Variants in PCDH11X observed in about 807,000 individuals in gnomAD.
The protein encoded by PCDH11X is protocadherin-11 X-linked.
PCDH11X carries 18 observed loss-of-function variants against 53.3 expected under a neutral mutation model. The ratio of observed to expected loss-of-function variants is 0.34; its 90% CI spans 0.23 to 0.50. The LOEUF is 0.50. Among genes scored for constraint, PCDH11X ranks in the 20% least tolerant of loss-of-function variants. PCDH11X has a pLI of 0.98. For synonymous variants in PCDH11X, 279 were observed against 393.3 expected (o/e 0.71, Z 3.44); for missense variants, 570 against 1,032.4 (o/e 0.55, Z 6.14).
intron 6 of PCDH11X, among the ~76,000 whole-genome samples, chrX:92,025,198 A>C (rs1399674867): frequency 9.1e-6 from 1 of 110,219 alleles, no homozygotes; most frequent in Non-Finnish European, 1.9e-5. Context: ...CAACCCATTG[A>C]ATGGGAGAAA....
chrX:92,049,634 T>C (rs2063338642), intron 6 of PCDH11X, among the ~76,000 whole-genome samples: 1 of 111,956 alleles, frequency 8.9e-6, no homozygotes, highest in Non-Finnish European at 1.9e-5. Context: ...TAAACAGGTA[T>C]TTTAATTAAA....
intron 9 of PCDH11X, among the ~76,000 whole-genome samples, chrX:92,411,897 A>G: frequency 1.4e-5 from 1 of 73,647 alleles, no homozygotes; most frequent in Non-Finnish European, 2.5e-5. Context: ...GAAGAAGAAG[A>G]GGGAAGAGGA....
At chrX:92,185,045 T>A (rs1019855183) in intron 6 of PCDH11X, among the ~76,000 whole-genome samples, 3 of 110,974 alleles carry the variant, frequency 2.7e-5, no homozygotes, top group African/African-American at 9.8e-5. Context: ...TTTCGTCATA[T>A]CGGCAGCGTC....
chrX:91,871,941 A>G (rs1245245208), intron 5 of PCDH11X, among the ~76,000 whole-genome samples: 1 of 111,239 alleles, frequency 9.0e-6, no homozygotes, highest in East Asian at 2.8e-4. Context: ...ATTTTTCATG[A>G]CCTCAACCTG....
chrX:91,937,475 T>C (rs1007034829), intron 6 of PCDH11X, among the ~76,000 whole-genome samples: 1 of 111,545 alleles, frequency 9.0e-6, no homozygotes, highest in Admixed American at 9.6e-5. Context: ...CAACAAAATG[T>C]AGACGGTCTG....
intron 8 of PCDH11X, among the ~76,000 whole-genome samples, chrX:92,278,811 T>G (rs2068175156): frequency 1.0e-5 from 1 of 95,338 alleles, no homozygotes; most frequent in African/African-American, 4.1e-5. Context: ...TTTCAGTTTT[T>G]TTTTTTTTTT....
At chrX:92,255,950 G>C (rs1475718803) in intron 7 of PCDH11X, among the ~76,000 whole-genome samples, 1 of 112,419 alleles carries the variant, frequency 8.9e-6, no homozygotes, top group Non-Finnish European at 1.9e-5. Context: ...CTTGAGCTGT[G>C]GTGGGCTCCA....
At chrX:92,021,121 G>A (rs6618819) in intron 6 of PCDH11X, among the ~76,000 whole-genome samples, 9,244 of 110,106 alleles carry the variant, frequency 0.084, 408 homozygotes, top group East Asian at 0.29. Flanking sequence ...AAAGGCCAGT[G>A]TACCTCTTCT....
rs200182090 is a variant in PCDH11X, at chrX:92,101,239, ATAG to A, written c.3034-100132_3034-100130del. Reference sequence around the variant, plus strand: ...GAATAGGAGTATGACTAGACAGAAAATAGTAGGGATGACAAGTTTTTTTTGGGG... The same window carrying A: ...GAATAGGAGTATGACTAGACAGAAAATAGGGATGACAAGTTTTTTTTGGGG... On this transcript the variant is annotated intron_variant, in intron 6 of 10. Coordinates refer to ENST00000682573, the MANE Select transcript of PCDH11X (RefSeq NM_032968.5). Among the ~76,000 whole-genome samples the A allele has an allele frequency of 4.9e-3, 542 of 111,441 alleles. 2 individuals are homozygous for A. Among genetic ancestry groups the A allele is most frequent in the Admixed American group, 0.023 (243 of 10,482 alleles).
At chrX:92,442,740 A>C (rs908262404) in intron 9 of PCDH11X, among the ~76,000 whole-genome samples, 2 of 107,817 alleles carry the variant, frequency 1.9e-5, no homozygotes, top group Non-Finnish European at 3.8e-5. Context: ...AGCAAAGGAC[A>C]TAATTTCCTT....
chrX:91,972,916 G>A (rs1438093658), intron 6 of PCDH11X, among the ~76,000 whole-genome samples: 1 of 111,018 alleles, frequency 9.0e-6, no homozygotes, highest in Non-Finnish European at 1.9e-5. Flanking sequence ...AATACCATTT[G>A]ACCCAGCCAT....
intron 8 of PCDH11X, among the ~76,000 whole-genome samples, chrX:92,287,559 A>G (rs976143813): frequency 1.8e-5 from 2 of 111,918 alleles, no homozygotes; most frequent in African/African-American, 6.5e-5. Context: ...TCAATCAACC[A>G]GCAACCCTGA....
chrX:91,909,703 T>C (rs939740050), intron 6 of PCDH11X, among the ~76,000 whole-genome samples: 1 of 105,078 alleles, frequency 9.5e-6, no homozygotes, highest in South Asian at 4.5e-4. Flanking sequence ...ACCTCGGAAA[T>C]TGATATATCA....
chrX:92,034,514 C>T (rs2063099079), intron 6 of PCDH11X, among the ~76,000 whole-genome samples: 1 of 106,968 alleles, frequency 9.3e-6, no homozygotes. Context: ...TCTCTTTTTT[C>T]AGTTTTTGCC....
intron 6 of PCDH11X, among the ~76,000 whole-genome samples, chrX:92,024,599 T>TATAG (rs1338507631): frequency 9.3e-6 from 1 of 107,466 alleles, no homozygotes; most frequent in Non-Finnish European, 1.9e-5. Context: ...CAAAGTAATC[T>TATAG]ATAGATTCAA....
chrX:92,003,748 C>T (rs971164778), intron 6 of PCDH11X, among the ~76,000 whole-genome samples: 14 of 103,461 alleles, frequency 1.4e-4, no homozygotes, highest in Non-Finnish European at 2.4e-4. Context: ...CCTCCCTTTT[C>T]ATTTCTGATT....
chrX:92,024,733 A>C (rs112690395), intron 6 of PCDH11X, among the ~76,000 whole-genome samples: 13,246 of 106,693 alleles, frequency 0.12, 1,019 homozygotes, highest in East Asian at 0.3. Context: ...AAAAAAAAAA[A>C]AAAACAAAAC....
chrX:91,965,902 C>T lies in PCDH11X; in HGVS notation c.3033+86629C>T, dbSNP rs193296764. ...TACTCACTGCACAGAAAGCCAATGA[C>T]TGAGATGACAAGTATTACCAAGGAA... On this transcript the variant is annotated intron_variant, in intron 6 of 10. Coordinates refer to ENST00000682573, the MANE Select transcript of PCDH11X (RefSeq NM_032968.5). 1.9e-3 allele frequency among the ~76,000 whole-genome samples: 217 copies of T among 111,637 alleles called. 1 individual carries two copies. Among genetic ancestry groups the T allele is most frequent in the African/African-American group, 6.7e-3 (205 of 30,720 alleles).
In PCDH11X at chrX:91,867,300, G is replaced by A. The variant is rs533365320; in HGVS notation, c.541-9481G>A. Among the ~76,000 whole-genome samples, 9 of 111,236 alleles carry A rather than the reference G, an allele frequency of 8.1e-5. No individual in the cohort carries two copies. The South Asian group carries it at 3.0e-3, about 37-fold the overall frequency. ...CATAACTTAAATCACTCCTAGCTTCGTTGCTATGGGGCATAGTATCTTAAC... is the reference window on the plus strand; with the variant it reads ...CATAACTTAAATCACTCCTAGCTTCATTGCTATGGGGCATAGTATCTTAAC... On this transcript the variant is annotated intron_variant, in intron 5 of 10. Coordinates refer to ENST00000682573, the MANE Select transcript of PCDH11X (RefSeq NM_032968.5).
Sources: gnomAD v4.1 joint callset for allele counts (sites outside exome capture counted in the v4.1 genomes callset) on GRCh38, gnomAD v4.1.1 for gene constraint, MANE v1.5 for transcripts, NCBI Gene and HGNC (gene_info 2026-07-23, HGNC 2026-07-21) for gene names.